SLC36A1: variants seen among roughly 807,000 people sequenced by gnomAD.
SLC36A1 encodes the protein solute carrier family 36 member 1.
SLC36A1 carries 30 observed loss-of-function variants against 47.5 expected under a neutral mutation model. That is an observed-to-expected ratio of 0.63 (90% CI 0.47 to 0.86). SLC36A1 has a LOEUF of 0.86. Ranked by LOEUF, SLC36A1 falls within the 40% of genes least tolerant of loss-of-function variation. The pLI, the probability that SLC36A1 is intolerant of heterozygous loss-of-function variation, is 0.00. For synonymous variants in SLC36A1, 255 were observed against 249.7 expected (o/e 1.02, Z -0.20); for missense variants, 517 against 606.0 (o/e 0.85, Z 1.54).
the SLC36A1 span, chr5:151,545,390 C>A: frequency 6.2e-7 from 1 of 1,614,180 alleles, no homozygotes; most frequent in Non-Finnish European, 8.5e-7. Flanking sequence ...ACAGCTTCAT[C>A]AGCATTGCCA....
chr5:151,370,681 G>A, the SLC36A1 span, among the ~76,000 whole-genome samples: 1 of 152,110 alleles, frequency 6.6e-6, no homozygotes, highest in African/African-American at 2.4e-5. Flanking sequence ...CAACTTGCTT[G>A]TGACCACTAT....
At chr5:151,543,189 T>G in the SLC36A1 span, 3 of 1,614,210 alleles carry the variant, frequency 1.9e-6, no homozygotes, top group Non-Finnish European at 2.5e-6. Flanking sequence ...CCAGGCTGTC[T>G]TTCACCTTGA....
upstream of SLC36A1, among the ~76,000 whole-genome samples, chr5:151,446,115 C>T (rs185049948): frequency 4.6e-5 from 7 of 152,152 alleles, no homozygotes; most frequent in Admixed American, 3.3e-4. Flanking sequence ...TTGCTATAAA[C>T]TTCTCTCTTA....
chr5:151,499,431 G>A, the SLC36A1 span, among the ~76,000 whole-genome samples: 1 of 152,210 alleles, frequency 6.6e-6, no homozygotes, highest in Non-Finnish European at 1.5e-5. Flanking sequence ...CTTCTATACT[G>A]GACCAGCTGC....
At chr5:151,414,761 C>T in the SLC36A1 span, 6 of 152,162 alleles carry the variant, frequency 3.9e-5, no homozygotes, top group East Asian at 1.9e-4. Flanking sequence ...AGGAAGAACA[C>T]AATGTCCCTG....
chr5:151,533,008 A>G, the SLC36A1 span, among the ~76,000 whole-genome samples: 1 of 152,208 alleles, frequency 6.6e-6, no homozygotes, highest in Admixed American at 6.5e-5. Context: ...TGGTCAAACC[A>G]CACCTGGATT....
chr5:151,379,482 C>T, the SLC36A1 span, among the ~76,000 whole-genome samples: 21 of 152,260 alleles, frequency 1.4e-4, no homozygotes, highest in East Asian at 2.9e-3. Flanking sequence ...TACAGGCATG[C>T]GCCACCACAC....
the SLC36A1 span, among the ~76,000 whole-genome samples, chr5:151,523,948 C>T: frequency 1.3e-5 from 2 of 152,162 alleles, no homozygotes; most frequent in Admixed American, 6.5e-5. Context: ...TGAATCGTCT[C>T]TGTTCTTTCT....
the SLC36A1 span, among the ~76,000 whole-genome samples, chr5:151,360,804 T>G: frequency 0.028 from 4,281 of 152,270 alleles, 306 homozygotes; most frequent in East Asian, 0.31. Flanking sequence ...TGCTGCTGCT[T>G]CTTCTTCCTC....
the SLC36A1 span, chr5:151,505,490 C>G: frequency 6.4e-7 from 1 of 1,569,272 alleles, no homozygotes; most frequent in East Asian, 2.3e-5. Flanking sequence ...ACTCAACTCA[C>G]CCCCTACGAG....
chr5:151,507,259 G>A, the SLC36A1 span: 572 of 1,614,170 alleles, frequency 3.5e-4, 6 homozygotes, highest in African/African-American at 7.0e-3. Context: ...ACCACTGGCC[G>A]TTGCTTAGAA....
chr5:151,521,498 G>A, the SLC36A1 span: 1 of 1,614,100 alleles, frequency 6.2e-7, no homozygotes, highest in Non-Finnish European at 8.5e-7. Flanking sequence ...ATGGATGCTA[G>A]CTCCTGAAAC....
chr5:151,511,814 G>A, the SLC36A1 span: 1 of 230,774 alleles, frequency 4.3e-6, no homozygotes, highest in Admixed American at 5.0e-5. Context: ...TAGTGTTAGG[G>A]AAGGGGAAGG....
the SLC36A1 span, among the ~76,000 whole-genome samples, chr5:151,367,847 G>T: frequency 6.6e-6 from 1 of 152,198 alleles, no homozygotes; most frequent in South Asian, 2.1e-4. Flanking sequence ...TAGAACATTT[G>T]AAAACATTTC....
chr5:151,481,554 A>G (rs1758804009), intron 10 of SLC36A1, among the ~76,000 whole-genome samples: 1 of 151,214 alleles, frequency 6.6e-6, no homozygotes, highest in Non-Finnish European at 1.5e-5. Flanking sequence ...TTTTATTACT[A>G]TTTCTGGTGT....
the SLC36A1 span, among the ~76,000 whole-genome samples, chr5:151,503,922 C>T: frequency 1.3e-5 from 2 of 152,032 alleles, no homozygotes; most frequent in South Asian, 2.1e-4. Context: ...GCCCCACCCC[C>T]AGAAGTTCTG....
At chr5:151,352,655 GTTC>G in the SLC36A1 span, among the ~76,000 whole-genome samples, 133 of 152,258 alleles carry the variant, frequency 8.7e-4, 2 homozygotes, top group African/African-American at 3.1e-3. Flanking sequence ...TGTTGTTGTT[GTTC>G]TTCTTCCTAG....
the SLC36A1 span, among the ~76,000 whole-genome samples, chr5:151,535,890 T>C: frequency 6.6e-6 from 1 of 152,330 alleles, no homozygotes; most frequent in East Asian, 1.9e-4. Context: ...CACAGAAGTC[T>C]TCTTTGCTGA....
chr5:151,405,371 A>C, the SLC36A1 span, among the ~76,000 whole-genome samples: 3 of 94,194 alleles, frequency 3.2e-5, no homozygotes, highest in Non-Finnish European at 5.7e-5. Context: ...TTTTTTTGAG[A>C]TAGGGTGTTG....
Sources: gnomAD v4.1 joint callset for allele counts (sites outside exome capture counted in the v4.1 genomes callset) on GRCh38, gnomAD v4.1.1 for gene constraint, MANE v1.5 for transcripts, NCBI Gene and HGNC (gene_info 2026-07-23, HGNC 2026-07-21) for gene names.